MCF2L2: variants seen among roughly 807,000 people sequenced by gnomAD.
MCF2L2 encodes MCF.2 cell line derived transforming sequence-like 2, also known as probable guanine nucleotide exchange factor MCF2L2.
Under a neutral mutation model 150.2 loss-of-function variants are expected in MCF2L2, and 102 were observed. That is an observed-to-expected ratio of 0.68 (90% CI 0.58 to 0.80). The LOEUF (loss-of-function observed/expected upper bound fraction) is 0.80, where lower values mean the gene tolerates loss of function less well. Ranked by LOEUF, MCF2L2 falls within the 30% of genes least tolerant of loss-of-function variation. The pLI is 0.00. For synonymous variants in MCF2L2, 465 were observed against 491.3 expected (o/e 0.95, Z 0.71); for missense variants, 1,256 against 1,372.8 (o/e 0.91, Z 1.34).
chr3:183,245,817 AC>A (rs1270905444), intron 15 of MCF2L2, among the ~76,000 whole-genome samples: 2 of 152,182 alleles, frequency 1.3e-5, no homozygotes, highest in Non-Finnish European at 2.9e-5. Context: ...GAATATGAAC[AC>A]TTCCCTGGTT....
chr3:183,345,642 G>A (rs1321282326), intron 3 of MCF2L2, among the ~76,000 whole-genome samples: 1 of 152,086 alleles, frequency 6.6e-6, no homozygotes, highest in Non-Finnish European at 1.5e-5. Context: ...CTGGTTTTGT[G>A]AAAAGATTAA....
chr3:183,414,479 T>C (rs1418732669), intron 1 of MCF2L2, among the ~76,000 whole-genome samples: 4 of 152,216 alleles, frequency 2.6e-5, no homozygotes, highest in Admixed American at 6.5e-5. Context: ...TGTTACTCTA[T>C]AGCTAAAGGT....
chr3:183,239,025 C>G (rs113239258), intron 15 of MCF2L2, among the ~76,000 whole-genome samples: 1 of 147,636 alleles, frequency 6.8e-6, no homozygotes, highest in African/African-American at 2.5e-5. Flanking sequence ...AAAAGACTCT[C>G]AAGGATTTAC....
At chr3:183,272,824 T>C (rs935424718) in intron 15 of MCF2L2, 146 of 1,218,434 alleles carry the variant, frequency 1.2e-4, no homozygotes, top group Non-Finnish European at 1.4e-4. Context: ...AAGGTTGCCA[T>C]TGGTTGAAAA....
At chr3:183,323,621 A>G (rs571109003) in intron 5 of MCF2L2, among the ~76,000 whole-genome samples, 1 of 151,430 alleles carries the variant, frequency 6.6e-6, no homozygotes, top group Admixed American at 6.6e-5. Flanking sequence ...GCAAGACCCC[A>G]TCACTAGAAA....
At chr3:183,322,022 T>C (rs1311342105) in intron 6 of MCF2L2, among the ~76,000 whole-genome samples, 1 of 152,256 alleles carries the variant, frequency 6.6e-6, no homozygotes, top group Non-Finnish European at 1.5e-5. Flanking sequence ...CTTCAACCTC[T>C]TTTGCAAGGG....
intron 13 of MCF2L2, among the ~76,000 whole-genome samples, chr3:183,294,751 C>A (rs2108488733): frequency 6.6e-6 from 1 of 151,824 alleles, no homozygotes; most frequent in African/African-American, 2.4e-5. Context: ...GCCTCAGCCT[C>A]CCGAGTAGCT....
chr3:183,404,504 A>G (rs977037937), intron 1 of MCF2L2, among the ~76,000 whole-genome samples: 1 of 152,252 alleles, frequency 6.6e-6, no homozygotes, highest in African/African-American at 2.4e-5. Context: ...AATCTGACCA[A>G]AACGTATTTA....
At chr3:183,394,736 T>A (rs1475868520) in intron 1 of MCF2L2, among the ~76,000 whole-genome samples, 1 of 152,172 alleles carries the variant, frequency 6.6e-6, no homozygotes, top group Non-Finnish European at 1.5e-5. Flanking sequence ...CACTAGAAAA[T>A]GTCCAACTTC....
chr3:183,184,488 T>C (rs1721630096), intron 27 of MCF2L2, among the ~76,000 whole-genome samples: 1 of 152,200 alleles, frequency 6.6e-6, no homozygotes, highest in Admixed American at 6.5e-5. Flanking sequence ...AGGACAAGAA[T>C]GGGAAAGGTG....
At chr3:183,369,527 T>A (rs139467163) in intron 3 of MCF2L2, among the ~76,000 whole-genome samples, 221 of 152,298 alleles carry the variant, frequency 1.5e-3, no homozygotes, top group African/African-American at 5.2e-3. Context: ...CAATTGTGTG[T>A]GTGCACGTTT....
chr3:183,405,043 TAATAG>T (rs2108615817), intron 1 of MCF2L2, among the ~76,000 whole-genome samples: 1 of 152,240 alleles, frequency 6.6e-6, no homozygotes, highest in East Asian at 1.9e-4. Context: ...GGAGATGTCT[TAATAG>T]AATTTACAAT....
chr3:183,386,912 G>T (rs1383273669), intron 2 of MCF2L2, among the ~76,000 whole-genome samples: 1 of 152,148 alleles, frequency 6.6e-6, no homozygotes, highest in East Asian at 1.9e-4. Context: ...TTGCAGACTT[G>T]CAAGGCTGTA....
chr3:183,263,403 T>C (rs73884615), intron 15 of MCF2L2, among the ~76,000 whole-genome samples: 4,098 of 152,238 alleles, frequency 0.027, 183 homozygotes, highest in African/African-American at 0.09. Flanking sequence ...CCTAACTATA[T>C]GGTCAATGTC....
intron 1 of MCF2L2, among the ~76,000 whole-genome samples, chr3:183,390,393 A>G (rs1183894951): frequency 6.6e-6 from 1 of 152,146 alleles, no homozygotes; most frequent in Admixed American, 6.5e-5. Context: ...ATAATAAGTT[A>G]TATAGGTTTC....
chr3:183,307,897 A>G (rs1166817531), intron 10 of MCF2L2, among the ~76,000 whole-genome samples: 2 of 152,154 alleles, frequency 1.3e-5, no homozygotes, highest in Non-Finnish European at 2.9e-5. Flanking sequence ...CACCAAGCTC[A>G]TTTCCACTTT....
intron 2 of MCF2L2, among the ~76,000 whole-genome samples, 165 bp downstream of exon 2, chr3:183,389,531 C>A (rs937550276): frequency 2.0e-5 from 3 of 152,294 alleles, no homozygotes. Flanking sequence ...TGTATGAGAT[C>A]CCACCCTCTT....
intron 27 of MCF2L2, among the ~76,000 whole-genome samples, chr3:183,191,172 G>A (rs549438442): frequency 6.2e-4 from 95 of 152,208 alleles, no homozygotes; most frequent in African/African-American, 2.1e-3. Flanking sequence ...CACCGCACCC[G>A]GCTGACTTTA....
chr3:183,391,610 G>A (rs111721816), intron 1 of MCF2L2, among the ~76,000 whole-genome samples: 12 of 152,284 alleles, frequency 7.9e-5, no homozygotes, highest in African/African-American at 2.9e-4. Flanking sequence ...TATGCATGGG[G>A]TGGAAGTGGG....
Sources: gnomAD v4.1 joint callset for allele counts (sites outside exome capture counted in the v4.1 genomes callset) on GRCh38, gnomAD v4.1.1 for gene constraint, MANE v1.5 for transcripts, NCBI Gene and HGNC (gene_info 2026-07-23, HGNC 2026-07-21) for gene names.